Variants in NBPF10 observed in about 807,000 individuals in gnomAD.
NBPF10 encodes the protein NBPF member 10.
A neutral mutation model predicts 77.9 loss-of-function variants in NBPF10; 63 were observed. The observed-to-expected ratio is 0.81, with a 90% CI of 0.66 to 1.00. The LOEUF (loss-of-function observed/expected upper bound fraction) is 1.00. Ranked by LOEUF, NBPF10 falls within the 50% of genes least tolerant of loss-of-function variation. NBPF10 has a pLI of 0.00. For synonymous variants in NBPF10, 146 were observed against 264.5 expected, an observed-to-expected ratio of 0.55 and a Z score of 4.35; for missense variants, 522 against 679.8, an observed-to-expected ratio of 0.77 and a Z score of 2.58.
rs201445974 is a variant in NBPF10 at position 146,067,163 on chromosome 1, C to A, written c.11144+17G>T. On this transcript the variant is annotated intron_variant, in intron 89 of 89. Coordinates refer to ENST00000583866, the Ensembl canonical transcript of NBPF10. ...GTGTTAACACAGAACTAAGGATCCA[C>A]AATTGCTGAAAGTCACCTGGGGCAT... The A allele has an allele frequency of 1.2e-4, 74 of 617,474 alleles. 8 individuals are homozygous for A. In the East Asian group the frequency reaches 2.0e-3, roughly 17 times the overall value. 38.2% of individuals were successfully genotyped at this position (617,474 alleles called of 1,614,324 possible).
rs1291934357 is a variant in NBPF10 at position 146,126,424 on chromosome 1, A to T, written c.1854-16T>A. The T allele has an allele frequency of 9.2e-7, 1 of 1,088,868 alleles. No individual in the cohort carries two copies. Among genetic ancestry groups the T allele is most frequent in the African/African-American group, 1.6e-5 (1 of 61,160 alleles). 67.5% of individuals were successfully genotyped at this position (1,088,868 alleles called of 1,614,324 possible). On this transcript the variant is annotated splice_polypyrimidine_tract_variant and intron_variant, in intron 13 of 89. Coordinates refer to ENST00000583866, the Ensembl canonical transcript of NBPF10. ...CCTGCTGAGCGTGGAAAAGTAGGAAAAAGTAAAGAATAAGCCAGGGGGAAT... is the reference window on the plus strand; with the variant it reads ...CCTGCTGAGCGTGGAAAAGTAGGAATAAGTAAAGAATAAGCCAGGGGGAAT...
At chr1:146,136,199 T>C (rs868987685) in intron 7 of NBPF10, among the ~76,000 whole-genome samples, 154 bp downstream of exon 7, 10 of 151,780 alleles carry the variant, frequency 6.6e-5, no homozygotes, top group Admixed American at 5.9e-4. Context: ...TTACTATCCT[T>C]CTTCTCTGAT....
At chr1:146,067,727 C>G (rs1387177459) in intron 88 of NBPF10, among the ~76,000 whole-genome samples, 1 of 150,132 alleles carries the variant, frequency 6.7e-6, no homozygotes, top group Non-Finnish European at 1.5e-5. Context: ...TCACAGTTCT[C>G]TGAATTTGTC....
In NBPF10 at chr1:146,141,696, T is replaced by C. The variant is rs782307005; in HGVS notation, c.401A>G (p.Asp134Gly). Residue 134 changes from aspartate (D) to glycine (G), a missense_variant, in exon 3 of 90, where the codon GAT becomes GGT. This residue lies in a region of NBPF10 where 71 missense variants were observed against 114.9 expected (regional missense o/e 0.62). Transcript: ENST00000583866. ...CTGCCCCTGGGACTTGTCCGGCTCATCCGGAGTGAGGAGGGCCTGGAGATG... is the reference window on the plus strand; with the variant it reads ...CTGCCCCTGGGACTTGTCCGGCTCACCCGGAGTGAGGAGGGCCTGGAGATG... The C allele has an allele frequency of 1.6e-6, 2 of 1,257,750 alleles. 1 individual carries two copies. Among genetic ancestry groups the C allele is most frequent in the Middle Eastern group, 5.0e-4 (2 of 3,988 alleles). The allele number at this position is 1,257,750 out of a possible 1,614,324, so 77.9% of individuals were successfully genotyped here. A position where few individuals can be genotyped will look rare whatever the true frequency, so the allele number is the denominator to read the frequency against.
intron 14 of NBPF10, 96 bp from the exon 15 acceptor site, chr1:146,125,612 C>T (rs1553789580): frequency 7.5e-6 from 4 of 533,330 alleles, no homozygotes; most frequent in African/African-American, 2.1e-5. Context: ...CTTCAGGCTC[C>T]TCAGCATGAG....
intron 12 of NBPF10, among the ~76,000 whole-genome samples, 168 bp downstream of exon 12, chr1:146,127,951 C>T (rs1261248446): frequency 6.7e-6 from 1 of 150,142 alleles, no homozygotes; most frequent in Non-Finnish European, 1.5e-5. Context: ...CCACCCCATG[C>T]CTGTGCTTCA....
At position 146,126,313 on chromosome 1, in the gene NBPF10, G is replaced by T. The variant is rs587642589; in HGVS notation, c.1949C>A (p.Thr650Asn). 4.6e-5 allele frequency: 65 copies of T among 1,407,522 alleles called. No individual in the cohort carries two copies. The African/African-American group carries it at 8.6e-4, about 19-fold the overall frequency. 87.2% of individuals were successfully genotyped at this position (1,407,522 alleles called of 1,614,324 possible). The change falls in exon 14 of 90, where the codon ACT becomes AAT. Residue 650 changes from threonine to asparagine, a missense_variant. This residue lies in a region of NBPF10 where 178 missense variants were observed against 77.7 expected (regional missense o/e 2.29). Transcript: ENST00000583866. ...ACTTCTGTAGGGCTGGCATGAGTCA[G>T]TCAGTTCAAGACAACCTGAAGGAGT...
chr1:146,140,917 ATTCT>A lies in NBPF10; in HGVS notation c.494-365_494-362del, dbSNP rs587619094. Among the ~76,000 whole-genome samples, 483 of 85,620 alleles carry A rather than the reference ATTCT, an allele frequency of 5.6e-3. 2 individuals are homozygous for A. The highest frequency in any genetic ancestry group is 0.015 in the African/African-American group (441 of 28,746). The allele number at this position is 85,620 out of a possible 152,430, so 56.2% of individuals were successfully genotyped here. A position where few individuals can be genotyped will look rare whatever the true frequency, so the allele number is the denominator to read the frequency against. ...TGTCACAGTTCGCATTTCAAACCTC[ATTCT>A]TTCTCTTAGGAGAGGACAAACTTGT... On this transcript the variant is annotated intron_variant, in intron 3 of 89. Transcript: ENST00000583866.
At chr1:146,134,302 C>G in intron 8 of NBPF10, 37 bp from the exon 9 acceptor site, 1 of 1,596,644 alleles carries the variant, frequency 6.3e-7, no homozygotes, top group Non-Finnish European at 8.5e-7. Context: ...GTATTTCCCA[C>G]TTCACAGTCT....
chr1:146,069,571 C>T lies in NBPF10; in HGVS notation c.10782G>A (p.Gln3594=), dbSNP rs587678061. 1.1e-4 allele frequency: 135 copies of T among 1,239,820 alleles called. 4 individuals are homozygous for T. Among genetic ancestry groups the T allele is most frequent in the Non-Finnish European group, 1.3e-4 (117 of 874,466 alleles). The allele number at this position is 1,239,820 out of a possible 1,614,324, so 76.8% of individuals were successfully genotyped here. The change falls in exon 86 of 90, where the codon CAG becomes CAA. Residue 3594 remains glutamine, a synonymous_variant. Transcript: ENST00000583866. ...CCATGTCAACAGCCAAGCCAACACG[C>T]TGTTGCTCCAATACATAAAAGGCAC...
rs587641776 is a variant in NBPF10 at position 146,126,221 on chromosome 1, T to C, written c.2026+15A>G. On this transcript the variant is annotated intron_variant, in intron 14 of 89. Transcript: ENST00000583866. The stretch of plus-strand genomic sequence containing the variant: ...ACTCAGTGGATCCTTATCACCTTCA[T>C]AGAAAGGTACTCACCATCCATGTCA... The C allele has an allele frequency of 2.5e-4, 385 of 1,567,834 alleles. 3 individuals are homozygous for C. The highest frequency in any genetic ancestry group is 1.4e-3 in the Middle Eastern group (6 of 4,358).
At position 146,135,331 on chromosome 1, in the gene NBPF10, GCTGTGCCAGTCTACAC is replaced by G. The variant is rs1659594678; in HGVS notation, c.1266_1281del (p.Cys423ThrfsTer161). 1 of 682,438 alleles carries G rather than the reference GCTGTGCCAGTCTACAC, an allele frequency of 1.5e-6. No homozygotes were observed. The highest frequency in any genetic ancestry group is 2.5e-6 in the Non-Finnish European group (1 of 398,478). 42.3% of individuals were successfully genotyped at this position (682,438 alleles called of 1,614,324 possible). A position where few individuals can be genotyped will look rare whatever the true frequency, so the allele number is the denominator to read the frequency against. ...CCTGGGCTGAGCTTTTGGACAAGGT[GCTGTGCCAGTCTACAC>G]CCCTCAGCCAGCTGTTCTTGGAGGT... On this transcript the variant is annotated frameshift_variant, in exon 8 of 90. Coordinates refer to ENST00000583866, the Ensembl canonical transcript of NBPF10. LOFTEE classifies it high-confidence loss of function.
chr1:146,126,005 G>C (rs1410230325), intron 14 of NBPF10, among the ~76,000 whole-genome samples: 3 of 151,714 alleles, frequency 2.0e-5, no homozygotes, highest in Admixed American at 6.6e-5. Context: ...TTGAGAGTAG[G>C]ATTATGGTGC....
At chr1:146,067,202 C>G (rs201525063) in exon 89 of NBPF10, 1 of 581,898 alleles carries the variant, frequency 1.7e-6, no homozygotes, top group Non-Finnish European at 3.1e-6. Flanking sequence ...GGGTTTTGAT[C>G]TTCTTCCCCT....
intron 71 of NBPF10, among the ~76,000 whole-genome samples, chr1:146,081,042 G>T: frequency 1.7e-5 from 1 of 57,982 alleles, no homozygotes; most frequent in Non-Finnish European, 5.5e-5. Flanking sequence ...GAGAGAGAGA[G>T]AGAGAACGAG....
intron 5 of NBPF10, among the ~76,000 whole-genome samples, chr1:146,138,701 CT>C (rs1380371693): frequency 2.0e-5 from 2 of 100,114 alleles, no homozygotes; most frequent in African/African-American, 3.2e-5. Flanking sequence ...AGGCTTGGCC[CT>C]GAGATTTTTA....
intron 6 of NBPF10, among the ~76,000 whole-genome samples, 154 bp from the exon 7 acceptor site, chr1:146,136,609 CCTGA>C (rs1449586221): frequency 7.0e-6 from 1 of 142,480 alleles, no homozygotes; most frequent in Non-Finnish European, 1.5e-5. Flanking sequence ...TCTTCAGTCT[CCTGA>C]CTTTCTGGCA....
chr1:146,068,393 A>G (rs1391679205), intron 87 of NBPF10, among the ~76,000 whole-genome samples: 2 of 18,298 alleles, frequency 1.1e-4, no homozygotes, highest in Non-Finnish European at 2.1e-4. Context: ...GAGAGAGGAG[A>G]AAGTGAGATC....
At chr1:146,066,757 C>CAGAG (rs782490649) in intron 89 of NBPF10, among the ~76,000 whole-genome samples, 196 bp from the exon 90 acceptor site, 2 of 150,526 alleles carry the variant, frequency 1.3e-5, no homozygotes, top group African/African-American at 2.4e-5. Flanking sequence ...AAGAGAAAGA[C>CAGAG]AGAGAGAGAG....
Sources: allele counts gnomAD v4.1 joint callset (sites outside exome capture counted in the v4.1 genomes callset), GRCh38; gene constraint gnomAD v4.1.1; regional missense constraint gnomAD v4.1.1; transcripts MANE v1.5; gene names NCBI Gene and HGNC (gene_info 2026-07-23, HGNC 2026-07-21).